KCNC2: variants seen among roughly 807,000 people sequenced by gnomAD.
KCNC2 encodes potassium voltage-gated channel subfamily C member 2, also known as voltage-gated potassium channel KCNC2.
KCNC2 carries 21 observed loss-of-function variants against 44.5 expected under a neutral mutation model. The observed-to-expected ratio is 0.47, with a 90% CI of 0.33 to 0.68. The LOEUF is 0.68. KCNC2 is among the 30% of genes least tolerant of loss of function. The pLI is 0.01. For missense variants in KCNC2, 589 were observed against 826.2 expected (o/e 0.71, Z 3.52); for synonymous variants, 391 against 339.1 (o/e 1.15, Z -1.68).
At chr12:75,105,062 A>G (rs1044893277) in intron 2 of KCNC2, among the ~76,000 whole-genome samples, 1 of 152,168 alleles carries the variant, frequency 6.6e-6, no homozygotes, top group Non-Finnish European at 1.5e-5. Flanking sequence ...TCAGACAAAG[A>G]CATATCAACA....
At chr12:75,093,286 G>C (rs1236739744) in intron 2 of KCNC2, among the ~76,000 whole-genome samples, 1 of 151,438 alleles carries the variant, frequency 6.6e-6, no homozygotes, top group Non-Finnish European at 1.5e-5. Context: ...AATGGTCTTA[G>C]TAATGTCAAC....
At chr12:75,178,230 C>A (rs1157762331) in intron 2 of KCNC2, among the ~76,000 whole-genome samples, 1 of 151,976 alleles carries the variant, frequency 6.6e-6, no homozygotes, top group Non-Finnish European at 1.5e-5. Flanking sequence ...TACATCTGTG[C>A]TTAGTAATAC....
intron 2 of KCNC2, among the ~76,000 whole-genome samples, chr12:75,201,600 G>A (rs1485175004): frequency 6.6e-6 from 1 of 151,730 alleles, no homozygotes; most frequent in Non-Finnish European, 1.5e-5. Context: ...TCTCAATTCA[G>A]GCATTTTTCA....
At chr12:75,191,582 C>T (rs1217425568) in intron 2 of KCNC2, among the ~76,000 whole-genome samples, 2 of 109,282 alleles carry the variant, frequency 1.8e-5, no homozygotes, top group East Asian at 6.2e-4. Context: ...CTCGCTCTGT[C>T]GCCCAGGCTG....
intron 2 of KCNC2, among the ~76,000 whole-genome samples, chr12:75,096,638 G>T (rs1486993606): frequency 6.6e-6 from 1 of 151,908 alleles, no homozygotes; most frequent in Non-Finnish European, 1.5e-5. Context: ...ATAAGACAAA[G>T]ACATGGTAAT....
chr12:75,080,216 G>C (rs1884360420), intron 2 of KCNC2, among the ~76,000 whole-genome samples: 1 of 152,010 alleles, frequency 6.6e-6, no homozygotes, highest in African/African-American at 2.4e-5. Context: ...AATCACAAAT[G>C]TAGAAAAGTA....
chr12:75,049,301 T>C (rs1485387187), intron 3 of KCNC2, among the ~76,000 whole-genome samples: 1 of 152,154 alleles, frequency 6.6e-6, no homozygotes. Flanking sequence ...TAGTTTGCTT[T>C]GTTAGTTGAT....
intron 2 of KCNC2, among the ~76,000 whole-genome samples, chr12:75,074,232 ATTTTTTT>A (rs5799196): frequency 3.2e-5 from 3 of 94,832 alleles, no homozygotes; most frequent in African/African-American, 8.0e-5. Context: ...CTACTCATAG[ATTTTTTT>A]TTTTTTTTTT....
chr12:75,184,214 T>C (rs7303696), intron 2 of KCNC2, among the ~76,000 whole-genome samples: 11,796 of 151,418 alleles, frequency 0.078, 530 homozygotes, highest in Admixed American at 0.14. Context: ...AGTCTCTGTG[T>C]GGCGTCATTA....
Position 75,195,219 on chromosome 12 carries a change from T to C in KCNC2, c.687+12078A>G, listed in dbSNP as rs11180399. 2.3e-3 allele frequency among the ~76,000 whole-genome samples: 355 copies of C among 152,284 alleles called. 2 individuals carry two copies. Among genetic ancestry groups the C allele is most frequent in the African/African-American group, 8.3e-3 (344 of 41,550 alleles). On this transcript the variant is annotated intron_variant, in intron 2 of 4. Transcript: ENST00000549446. ...CTGTATTTCTTGTACAGAGGATTGC[T>C]TATCTCACTAACTTGTTATGGTGGT...
At chr12:75,151,987 T>TTA (rs1396224324) in intron 2 of KCNC2, among the ~76,000 whole-genome samples, 2 of 146,226 alleles carry the variant, frequency 1.4e-5, no homozygotes, top group Non-Finnish European at 3.0e-5. Flanking sequence ...ATATTATATA[T>TTA]TATATATATT....
At chr12:75,164,348 C>T (rs1399040250) in intron 2 of KCNC2, among the ~76,000 whole-genome samples, 1 of 151,676 alleles carries the variant, frequency 6.6e-6, no homozygotes, top group Non-Finnish European at 1.5e-5. Flanking sequence ...TCATCATCCA[C>T]TTTGAAGACT....
rs374372737 is a variant in KCNC2 at position 75,115,142 on chromosome 12, C to T, written c.688-63825G>A. 1.4e-3 allele frequency among the ~76,000 whole-genome samples: 209 copies of T among 148,268 alleles called. 1 individual carries two copies. The highest frequency in any genetic ancestry group is 4.8e-3 in the African/African-American group (200 of 41,304). ...CCTCCCAAAGTGCTGGGATTACAAG[C>T]GTGAGCCACCGCGCCCTGCCCAACT... On this transcript the variant is annotated intron_variant, in intron 2 of 4. Coordinates refer to ENST00000549446, the MANE Select transcript of KCNC2 (RefSeq NM_139137.4).
At chr12:75,145,913 T>C (rs1229406821) in intron 2 of KCNC2, among the ~76,000 whole-genome samples, 1 of 151,866 alleles carries the variant, frequency 6.6e-6, no homozygotes. Flanking sequence ...GTTTAAGAAA[T>C]AAAATGTTAC....
chr12:75,079,237 G>A (rs1884266457), intron 2 of KCNC2, among the ~76,000 whole-genome samples: 1 of 152,044 alleles, frequency 6.6e-6, no homozygotes, highest in African/African-American at 2.4e-5. Flanking sequence ...TGTTAAGCAT[G>A]AAGAAAGAGG....
chr12:75,181,758 T>G (rs1051092687), intron 2 of KCNC2, among the ~76,000 whole-genome samples: 1 of 152,036 alleles, frequency 6.6e-6, no homozygotes, highest in Non-Finnish European at 1.5e-5. Context: ...ATTTCTTCAT[T>G]TATAAAATGA....
intron 2 of KCNC2, among the ~76,000 whole-genome samples, chr12:75,101,250 C>T (rs1886348027): frequency 6.6e-6 from 1 of 152,044 alleles, no homozygotes; most frequent in South Asian, 2.1e-4. Flanking sequence ...AGGCAGTTTG[C>T]TTGATAAAAA....
In KCNC2 at chr12:75,042,638, G is replaced by A; in HGVS notation, c.*467C>T. Reference sequence around the variant, plus strand: ...CCCGAACTCTGCAACATTGCTTTCAGGTGATAGAGACAAGATGGTCCATGC... The same window carrying A: ...CCCGAACTCTGCAACATTGCTTTCAAGTGATAGAGACAAGATGGTCCATGC... On this transcript the variant is annotated 3_prime_UTR_variant, in exon 5 of 5. Coordinates refer to ENST00000549446, the MANE Select transcript of KCNC2 (RefSeq NM_139137.4). 8.1e-7 allele frequency: 1 copy of A among 1,240,672 alleles called. No homozygotes were observed. The highest frequency in any genetic ancestry group is 3.2e-4 in the Middle Eastern group (1 of 3,106). The allele number at this position is 1,240,672 out of a possible 1,614,324, so 76.9% of individuals were successfully genotyped here. A position where few individuals can be genotyped will look rare whatever the true frequency, so the allele number is the denominator to read the frequency against.
intron 2 of KCNC2, among the ~76,000 whole-genome samples, chr12:75,108,642 C>T (rs1183798166): frequency 6.6e-6 from 1 of 152,204 alleles, no homozygotes; most frequent in Non-Finnish European, 1.5e-5. Flanking sequence ...ATAAACCCAA[C>T]AATTACCACT....
Sources: allele counts gnomAD v4.1 joint callset (sites outside exome capture counted in the v4.1 genomes callset), GRCh38; gene constraint gnomAD v4.1.1; transcripts MANE v1.5; gene names NCBI Gene and HGNC (gene_info 2026-07-23, HGNC 2026-07-21).